The following IRAG2 variants were observed in gnomAD, a reference collection of about 807,000 sequenced individuals.
IRAG2 encodes lymphoid restricted membrane protein.
In IRAG2, 45 loss-of-function variants were observed where a neutral mutation model predicts 69.9. That is an observed-to-expected ratio of 0.64 (90% CI 0.51 to 0.83). The LOEUF (loss-of-function observed/expected upper bound fraction) is 0.83, where lower values mean the gene tolerates loss of function less well. Ranked by LOEUF, IRAG2 falls within the 40% of genes least tolerant of loss-of-function variation. The pLI is 0.00. For synonymous variants in IRAG2, 193 were observed against 202.4 expected, an observed-to-expected ratio of 0.95 and a Z score of 0.40; for missense variants, 520 against 587.0, an observed-to-expected ratio of 0.89 and a Z score of 1.18.
intron 5 of IRAG2, among the ~76,000 whole-genome samples, chr12:25,067,320 G>GT (rs1565552433): frequency 6.6e-6 from 1 of 152,144 alleles, no homozygotes; most frequent in South Asian, 2.1e-4. Flanking sequence ...ATGTGTGGGG[G>GT]TTTTTTTCCC....
intron 9 of IRAG2, among the ~76,000 whole-genome samples, chr12:25,080,013 T>C (rs191738115): frequency 7.4e-4 from 113 of 152,348 alleles, no homozygotes; most frequent in Non-Finnish European, 1.2e-3. Flanking sequence ...AATTATGATA[T>C]ATTGTAATGG....
chr12:25,070,512 C>G (rs900882566), intron 6 of IRAG2, among the ~76,000 whole-genome samples: 1 of 152,190 alleles, frequency 6.6e-6, no homozygotes, highest in African/African-American at 2.4e-5. Flanking sequence ...TGTATAGATA[C>G]ACACCACATT....
At chr12:25,040,366 G>T (rs1305862758) in intron 16 of IRAG2, among the ~76,000 whole-genome samples, 1 of 152,136 alleles carries the variant, frequency 6.6e-6, no homozygotes, top group Non-Finnish European at 1.5e-5. Flanking sequence ...AATGAGCTGG[G>T]CATGGTGATG....
intron 5 of IRAG2, among the ~76,000 whole-genome samples, chr12:25,067,445 CA>C (rs891308181): frequency 3.3e-5 from 5 of 152,148 alleles, no homozygotes; most frequent in African/African-American, 9.7e-5. Flanking sequence ...TCCGATTCCA[CA>C]GGTTAAGGGC....
chr12:25,005,215 G>T, intron 1 of IRAG2: 1 of 1,094,236 alleles, frequency 9.1e-7, no homozygotes, highest in Non-Finnish European at 1.2e-6. Flanking sequence ...AAAGCATCAG[G>T]ATTTACAAAC....
chr12:25,023,433 A>T (rs16928343), intron 7 of IRAG2, among the ~76,000 whole-genome samples: 2 of 151,962 alleles, frequency 1.3e-5, no homozygotes, highest in Non-Finnish European at 2.9e-5. Context: ...TCTGAATTTG[A>T]GGCTGTTAAT....
chr12:25,104,131 A>C, intron 19 of IRAG2, 73 bp downstream of exon 19: 1 of 1,216,108 alleles, frequency 8.2e-7, no homozygotes, highest in Non-Finnish European at 1.2e-6. Context: ...ATGAGTGCTC[A>C]AATTAAGTGA....
At chr12:25,041,460 A>G (rs746776889) in intron 16 of IRAG2, among the ~76,000 whole-genome samples, 1 of 151,926 alleles carries the variant, frequency 6.6e-6, no homozygotes. Flanking sequence ...CAGTGAGATG[A>G]GTAAGGAGAG....
intron 14 of IRAG2, chr12:25,036,567 G>A (rs945233595): frequency 2.5e-6 from 1 of 398,794 alleles, no homozygotes; most frequent in Non-Finnish European, 4.4e-6. Context: ...AGTTGAAGAT[G>A]TGGAACTCTT....
At chr12:25,037,808 A>T (rs1008968899) in intron 15 of IRAG2, among the ~76,000 whole-genome samples, 10 of 152,206 alleles carry the variant, frequency 6.6e-5, no homozygotes, top group Admixed American at 5.2e-4. Flanking sequence ...GCAATTGGAA[A>T]TTGGTATTAA....
chr12:25,058,108 T>A (rs1295610982), intron 1 of IRAG2, among the ~76,000 whole-genome samples: 1 of 152,210 alleles, frequency 6.6e-6, no homozygotes, highest in African/African-American at 2.4e-5. Context: ...CTAGAATAAA[T>A]ATCTAGGAGT....
rs766799954 is a variant in IRAG2, at chr12:25,083,420, C to T, written c.245-3C>T. On this transcript the variant is annotated splice_region_variant and splice_polypyrimidine_tract_variant and intron_variant, in intron 9 of 21. Transcript: ENST00000556887. The stretch of plus-strand genomic sequence containing the variant: ...TGCTTTGTGTGTTTCCTGTTTCTCA[C>T]AGGCACAAGTCCAGCTCATGATAAT... 11 of 1,606,292 alleles carry T rather than the reference C, an allele frequency of 6.8e-6. No homozygotes were observed. The African/African-American group carries it at 1.2e-4, about 18-fold the overall frequency.
chr12:25,018,193 CTTTTTTTTT>C (rs56659655), intron 6 of IRAG2, among the ~76,000 whole-genome samples: 1 of 105,550 alleles, frequency 9.5e-6, no homozygotes, highest in Admixed American at 1.2e-4. Flanking sequence ...TTTCTTTCTT[CTTTTTTTTT>C]TTTTTTTTTT....
intron 16 of IRAG2, among the ~76,000 whole-genome samples, chr12:25,042,202 G>C (rs1327072081): frequency 1.3e-5 from 2 of 152,114 alleles, no homozygotes; most frequent in African/African-American, 4.8e-5. Context: ...TATATGTGTG[G>C]AGAAAGAGAG....
chr12:25,029,851 A>G (rs2139846052), intron 9 of IRAG2, among the ~76,000 whole-genome samples: 1 of 152,166 alleles, frequency 6.6e-6, no homozygotes, highest in Non-Finnish European at 1.5e-5. Context: ...AGGCTAAACT[A>G]TGTTTTTAAA....
intron 14 of IRAG2, among the ~76,000 whole-genome samples, chr12:25,091,480 T>G (rs916270444): frequency 4.6e-5 from 7 of 152,208 alleles, no homozygotes; most frequent in African/African-American, 1.7e-4. Flanking sequence ...CAATTTTTGC[T>G]TATCTATTCA....
At chr12:25,079,794 T>A (rs950917741) in intron 9 of IRAG2, 31 bp downstream of exon 9, 3 of 1,424,982 alleles carry the variant, frequency 2.1e-6, no homozygotes, top group Non-Finnish European at 3.0e-6. Flanking sequence ...AGCATGATTT[T>A]AATTCTAAAA....
At chr12:25,104,199 T>A in intron 19 of IRAG2, 141 bp downstream of exon 19, 2 of 868,842 alleles carry the variant, frequency 2.3e-6, no homozygotes, top group Non-Finnish European at 3.6e-6. Context: ...AATTGGTATC[T>A]AATTATGAAG....
intron 10 of IRAG2, chr12:25,030,462 C>T (rs551980714): frequency 5.7e-5 from 29 of 510,306 alleles, no homozygotes; most frequent in African/African-American, 5.0e-4. Flanking sequence ...TCTCAGCTCA[C>T]TGCAACCTCC....
Sources: allele counts gnomAD v4.1 joint callset (sites outside exome capture counted in the v4.1 genomes callset), GRCh38; gene constraint gnomAD v4.1.1; transcripts MANE v1.5; gene names NCBI Gene and HGNC (gene_info 2026-07-23, HGNC 2026-07-21).